Variants in ORC3 observed in about 807,000 individuals in gnomAD.
ORC3 encodes the protein origin recognition complex subunit 3, also known as homolog of latheo, Drosophila.
In ORC3, 78 loss-of-function variants were observed where a neutral mutation model predicts 100.7. The ratio of observed to expected loss-of-function variants is 0.77; its 90% CI spans 0.65 to 0.94. The LOEUF is 0.94. ORC3 is among the 40% of genes least tolerant of loss of function. The pLI is 0.00. For synonymous variants in ORC3, 295 were observed against 289.3 expected, an observed-to-expected ratio of 1.02 and a Z score of -0.20; for missense variants, 789 against 823.9, an observed-to-expected ratio of 0.96 and a Z score of 0.52.
At position 87,603,446 on chromosome 6, in the gene ORC3, A is replaced by G; in HGVS notation, c.240A>G (p.Ser80=). 6.5e-7 allele frequency: 1 copy of G among 1,533,356 alleles called. No individual in the cohort carries two copies. Among genetic ancestry groups the G allele is most frequent in the East Asian group, 2.3e-5 (1 of 44,280 alleles). 95.0% of individuals were successfully genotyped at this position (1,533,356 alleles called of 1,614,324 possible). The stretch of plus-strand genomic sequence containing the variant: ...ATCTGATTGAATTTCTGCAAAAATC[A>G]CATTCTGGATTCCAGAAGAATTCAA... ...FDNLIEFLQK[S]HSGFQKNSRD... is the part of the protein sequence containing the mutation. The change falls in exon 4 of 20, where the codon TCA becomes TCG. Residue 80 remains serine, a synonymous_variant. Transcript: ENST00000392844.
intron 13 of ORC3, among the ~76,000 whole-genome samples, chr6:87,644,511 G>A: frequency 6.6e-6 from 1 of 152,034 alleles, no homozygotes; most frequent in East Asian, 2.0e-4. Context: ...GACCAGCCTG[G>A]CCAACATAGT....
At chr6:87,604,969 T>TA (rs1778224530) in intron 4 of ORC3, among the ~76,000 whole-genome samples, 1 of 152,244 alleles carries the variant, frequency 6.6e-6, no homozygotes, top group Non-Finnish European at 1.5e-5. Flanking sequence ...CTGCTGCTGT[T>TA]ATCTGCCTAA....
intron 9 of ORC3, among the ~76,000 whole-genome samples, chr6:87,619,453 C>T (rs1252859936): frequency 6.6e-6 from 1 of 152,196 alleles, no homozygotes; most frequent in Non-Finnish European, 1.5e-5. Flanking sequence ...GTCGCCCAGG[C>T]TGGAGTGCAG....
intron 12 of ORC3, among the ~76,000 whole-genome samples, chr6:87,635,958 T>A (rs1767787312): frequency 1.3e-5 from 2 of 151,522 alleles, no homozygotes; most frequent in Admixed American, 1.3e-4. Context: ...TTTTTTTTTT[T>A]TTTTGAGACA....
intron 14 of ORC3, among the ~76,000 whole-genome samples, chr6:87,656,073 T>C (rs551915053): frequency 1.3e-5 from 2 of 152,328 alleles, no homozygotes; most frequent in South Asian, 4.1e-4. Context: ...GAGAGCATTA[T>C]GCTCTCTAGA....
At chr6:87,669,127 A>T (rs1259202634), downstream of ORC3, among the ~76,000 whole-genome samples, 1 of 152,272 alleles carries the variant, frequency 6.6e-6, no homozygotes, top group Non-Finnish European at 1.5e-5. Flanking sequence ...ATTGCACTCC[A>T]GCCTGGGCAG....
chr6:87,670,725 A>G (rs1390296022), downstream of ORC3, among the ~76,000 whole-genome samples: 3 of 152,218 alleles, frequency 2.0e-5, no homozygotes, highest in Non-Finnish European at 4.4e-5. Context: ...AATACATTCA[A>G]AAAGTACCAA....
chr6:87,654,961 T>A (rs890338087), intron 14 of ORC3, among the ~76,000 whole-genome samples: 2 of 152,146 alleles, frequency 1.3e-5, no homozygotes, highest in Non-Finnish European at 1.5e-5. Context: ...GCCTAAAGAA[T>A]AAAGAATTTT....
rs1404294041 is a variant in ORC3 at position 87,601,763 on chromosome 6, CTT to C, written c.80-20_80-19del. On this transcript the variant is annotated intron_variant, in intron 2 of 19. Transcript: ENST00000392844. ...ACTATTATATGAAAAAAGAAACTGA[CTT>C]ATTTCTTTCTGTTTTTAGAGGACTA... 7.5e-7 allele frequency: 1 copy of C among 1,338,926 alleles called. No individual in the cohort carries two copies. The highest frequency in any genetic ancestry group is 1.1e-6 in the Non-Finnish European group (1 of 932,796). The allele number at this position is 1,338,926 out of a possible 1,614,324, so 82.9% of individuals were successfully genotyped here.
chr6:87,656,164 G>T (rs1769671279), intron 14 of ORC3, among the ~76,000 whole-genome samples: 1 of 152,136 alleles, frequency 6.6e-6, no homozygotes, highest in South Asian at 2.1e-4. Context: ...TGTTTTAGTG[G>T]ATTATTTCAA....
At chr6:87,597,315 CT>C (rs1777521645) in intron 2 of ORC3, among the ~76,000 whole-genome samples, 1 of 152,108 alleles carries the variant, frequency 6.6e-6, no homozygotes. Flanking sequence ...GAATTTTCCA[CT>C]TGTGGCATCA....
At position 87,621,153 on chromosome 6, in the gene ORC3, C is replaced by T. The variant is rs373083372; in HGVS notation, c.988-201C>T. Among the ~76,000 whole-genome samples, 91 of 151,996 alleles carry T rather than the reference C, an allele frequency of 6.0e-4. 4 individuals carry two copies. In the South Asian group the frequency reaches 0.018, roughly 30 times the overall value. On this transcript the variant is annotated intron_variant, in intron 9 of 19. Coordinates refer to ENST00000392844, the MANE Select transcript of ORC3 (RefSeq NM_012381.4). The stretch of plus-strand genomic sequence containing the variant: ...TCAAAGATTACCATTTTCTGACCTT[C>T]TTCACAGAATTGGAACCTTAAAATA...
In ORC3 at chr6:87,629,280, C is replaced by G. The variant is rs534965978; in HGVS notation, c.1186-5565C>G. 6.6e-5 allele frequency among the ~76,000 whole-genome samples: 10 copies of G among 152,232 alleles called. No individual in the cohort carries two copies. The South Asian group carries it at 2.1e-3, about 32-fold the overall frequency. On this transcript the variant is annotated intron_variant, in intron 11 of 19. Transcript: ENST00000392844. ...GTCTGTTTTACCAGTTTTTAATGAT[C>G]AGTGAATTGATTGAAAAGAAATTAC... is the stretch of plus-strand genomic sequence containing the variant.
At chr6:87,601,967 G>A in intron 3 of ORC3, 86 bp downstream of exon 3, 3 of 802,822 alleles carry the variant, frequency 3.7e-6, no homozygotes, top group South Asian at 2.9e-5. Flanking sequence ...GTTTACAAGA[G>A]TATTGATGAA....
At chr6:87,594,567 A>AC in intron 2 of ORC3, 160 bp downstream of exon 2, 2 of 1,283,048 alleles carry the variant, frequency 1.6e-6, no homozygotes, top group South Asian at 2.9e-5. Context: ...ATAAGAGGAC[A>AC]CCCCAGGGCT....
chr6:87,612,256 GAAT>G lies in ORC3; in HGVS notation c.873+11_873+13del. 1.3e-6 allele frequency: 2 copies of G among 1,580,236 alleles called. No homozygotes were observed. The highest frequency in any genetic ancestry group is 2.4e-5 in the South Asian group (2 of 85,082). On this transcript the variant is annotated intron_variant, in intron 8 of 19. Coordinates refer to ENST00000392844, the MANE Select transcript of ORC3 (RefSeq NM_012381.4). The stretch of plus-strand genomic sequence containing the variant: ...ACTACGGTACTCGATAAGGTAAAAA[GAAT>G]AAGTTTTACCAGTGAAATAGGATGA...
chr6:87,616,783 G>A (rs1779184552), intron 9 of ORC3, among the ~76,000 whole-genome samples: 1 of 151,856 alleles, frequency 6.6e-6, no homozygotes, highest in Non-Finnish European at 1.5e-5. Context: ...TCTGTAAAGG[G>A]CCAGATATTA....
intron 13 of ORC3, among the ~76,000 whole-genome samples, chr6:87,640,484 T>C (rs940336491): frequency 1.3e-5 from 2 of 152,188 alleles, no homozygotes; most frequent in African/African-American, 4.8e-5. Flanking sequence ...AGTCAACTCT[T>C]GGAGTATGAA....
intron 2 of ORC3, among the ~76,000 whole-genome samples, chr6:87,597,547 G>A (rs1315918781): frequency 6.6e-6 from 1 of 152,000 alleles, no homozygotes; most frequent in Admixed American, 6.6e-5. Flanking sequence ...GAAAAATTAT[G>A]ATATGGAATT....
Sources: allele counts gnomAD v4.1 joint callset (sites outside exome capture counted in the v4.1 genomes callset), GRCh38; gene constraint gnomAD v4.1.1; transcripts MANE v1.5; gene names NCBI Gene and HGNC (gene_info 2026-07-23, HGNC 2026-07-21).